GABRG3: variants seen among roughly 807,000 people sequenced by gnomAD.
GABRG3 encodes gamma-aminobutyric acid receptor subunit gamma-3.
In GABRG3, 25 loss-of-function variants were observed where a neutral mutation model predicts 48.8. That is an observed-to-expected ratio of 0.51 (90% CI 0.37 to 0.72). The LOEUF (loss-of-function observed/expected upper bound fraction) is 0.72. Ranked by LOEUF, GABRG3 falls within the 30% of genes least tolerant of loss-of-function variation. GABRG3 has a pLI of 0.00. For missense variants in GABRG3, 394 were observed against 577.9 expected, an observed-to-expected ratio of 0.68 and a Z score of 3.26; for synonymous variants, 227 against 217.6, an observed-to-expected ratio of 1.04 and a Z score of -0.38.
intron 3 of GABRG3, among the ~76,000 whole-genome samples, chr15:27,151,219 T>C (rs73373411): frequency 0.035 from 5,372 of 152,228 alleles, 335 homozygotes; most frequent in African/African-American, 0.12. Flanking sequence ...TGCCCTTTTA[T>C]GACCACACAC....
At chr15:27,318,171 C>T (rs770645372) in intron 3 of GABRG3, among the ~76,000 whole-genome samples, 3 of 152,126 alleles carry the variant, frequency 2.0e-5, no homozygotes, top group Non-Finnish European at 2.9e-5. Context: ...TGGAAGGGTA[C>T]TCAAAGCAGG....
intron 3 of GABRG3, among the ~76,000 whole-genome samples, chr15:27,108,672 C>G (rs1009129074): frequency 6.6e-6 from 1 of 152,152 alleles, no homozygotes; most frequent in Non-Finnish European, 1.5e-5. Context: ...ATGATGCAGT[C>G]GAATCTACCT....
chr15:27,508,489 A>G (rs1245521730), intron 6 of GABRG3, among the ~76,000 whole-genome samples: 2 of 152,166 alleles, frequency 1.3e-5, no homozygotes, highest in Admixed American at 6.6e-5. Flanking sequence ...AATATATTGT[A>G]TATTTTTGCT....
intron 5 of GABRG3, among the ~76,000 whole-genome samples, chr15:27,418,301 C>A (rs2140607776): frequency 6.6e-6 from 1 of 152,282 alleles, no homozygotes; most frequent in South Asian, 2.1e-4. Flanking sequence ...GAGCAATCTC[C>A]TGGGAATTAA....
chr15:27,210,470 G>A (rs1889039424), intron 3 of GABRG3, among the ~76,000 whole-genome samples: 1 of 152,112 alleles, frequency 6.6e-6, no homozygotes, highest in Admixed American at 6.5e-5. Context: ...CATCACACAC[G>A]CGCACCTGCG....
intron 5 of GABRG3, among the ~76,000 whole-genome samples, chr15:27,383,284 T>C (rs895831914): frequency 6.6e-6 from 1 of 152,236 alleles, no homozygotes; most frequent in African/African-American, 2.4e-5. Context: ...ATTAAGTCTG[T>C]TCTTTTTTTC....
chr15:27,384,537 A>G lies in GABRG3; in HGVS notation c.574+55649A>G, dbSNP rs143820859. On this transcript the variant is annotated intron_variant, in intron 5 of 9. Coordinates refer to ENST00000615808, the MANE Select transcript of GABRG3 (RefSeq NM_033223.5). ...CTTGATAAAGGGGACGTTGGAGTCA[A>G]TTTAATTGACGGAAGAGTTTAATTC... Among the ~76,000 whole-genome samples, 12 of 152,356 alleles carry G rather than the reference A, an allele frequency of 7.9e-5. No homozygotes were observed. The East Asian group carries it at 1.7e-3, about 22-fold the overall frequency.
At chr15:27,495,961 C>G (rs1442400451) in intron 6 of GABRG3, among the ~76,000 whole-genome samples, 1 of 152,178 alleles carries the variant, frequency 6.6e-6, no homozygotes, top group Admixed American at 6.5e-5. Context: ...TGACACTGCT[C>G]TAGTGAGGAG....
intron 3 of GABRG3, among the ~76,000 whole-genome samples, chr15:27,256,212 G>A (rs1890607308): frequency 1.3e-5 from 2 of 152,064 alleles, no homozygotes; most frequent in African/African-American, 4.8e-5. Context: ...GGAGGCCGAG[G>A]CGGGCGGATC....
chr15:27,438,626 G>T (rs1317118015), intron 5 of GABRG3, among the ~76,000 whole-genome samples: 1 of 152,194 alleles, frequency 6.6e-6, no homozygotes, highest in Non-Finnish European at 1.5e-5. Flanking sequence ...ACAGGAGACT[G>T]CAGGGAGCCC....
chr15:27,501,246 C>T (rs192024351), intron 6 of GABRG3, among the ~76,000 whole-genome samples: 164 of 152,216 alleles, frequency 1.1e-3, no homozygotes, highest in African/African-American at 3.7e-3. Flanking sequence ...CCACCGTGCC[C>T]GGCCAAAGTA....
intron 5 of GABRG3, among the ~76,000 whole-genome samples, chr15:27,393,428 C>T (rs1019240720): frequency 6.6e-6 from 1 of 151,844 alleles, no homozygotes; most frequent in Non-Finnish European, 1.5e-5. Flanking sequence ...AGTGCTGTTG[C>T]TTCTAAGCCC....
chr15:27,238,583 C>T (rs984321759), intron 3 of GABRG3, among the ~76,000 whole-genome samples: 4 of 152,126 alleles, frequency 2.6e-5, no homozygotes, highest in Admixed American at 1.3e-4. Context: ...GGATGACAGC[C>T]CCCAAATTTC....
At chr15:27,107,509 T>C (rs1281936958) in intron 3 of GABRG3, among the ~76,000 whole-genome samples, 1 of 151,970 alleles carries the variant, frequency 6.6e-6, no homozygotes, top group African/African-American at 2.4e-5. Context: ...TTTTTTGTAG[T>C]GTTTTTATTT....
At chr15:27,432,805 A>T (rs1888496000) in intron 5 of GABRG3, among the ~76,000 whole-genome samples, 1 of 152,174 alleles carries the variant, frequency 6.6e-6, no homozygotes, top group Non-Finnish European at 1.5e-5. Flanking sequence ...TTGCTCCTTC[A>T]ACAGGTTGCT....
chr15:27,286,423 C>G (rs1421267706), intron 3 of GABRG3, among the ~76,000 whole-genome samples: 1 of 152,142 alleles, frequency 6.6e-6, no homozygotes, highest in East Asian at 1.9e-4. Flanking sequence ...CTTCTTCCTT[C>G]AAGGAGTGAT....
chr15:27,027,197 C>A, intron 3 of GABRG3: 1 of 172,022 alleles, frequency 5.8e-6, no homozygotes, highest in Non-Finnish European at 1.2e-5. Flanking sequence ...TAGGGTATTC[C>A]CACAGGCTTA....
chr15:27,351,659 A>G (rs1207383740), intron 5 of GABRG3, among the ~76,000 whole-genome samples: 49 of 133,062 alleles, frequency 3.7e-4, no homozygotes, highest in African/African-American at 1.3e-3. Context: ...GTGTGTGTGT[A>G]TGGGGTATTT....
At chr15:27,526,380 A>T (rs1404097676) in intron 7 of GABRG3, among the ~76,000 whole-genome samples, 1 of 152,142 alleles carries the variant, frequency 6.6e-6, no homozygotes, top group South Asian at 2.1e-4. Flanking sequence ...TAGTACTGCG[A>T]TGCAGATATT....
Sources: allele counts gnomAD v4.1 joint callset (sites outside exome capture counted in the v4.1 genomes callset), GRCh38; gene constraint gnomAD v4.1.1; transcripts MANE v1.5; gene names NCBI Gene and HGNC (gene_info 2026-07-23, HGNC 2026-07-21).